The following JMY variants were observed in gnomAD, a reference collection of about 807,000 sequenced individuals.
The protein encoded by JMY is junction mediating and regulatory protein, p53 cofactor, also known as junction-mediating and -regulatory protein.
In JMY, 46 loss-of-function variants were observed where a neutral mutation model predicts 103.3. That is an observed-to-expected ratio of 0.45 (90% confidence interval 0.35 to 0.57). The LOEUF is 0.57. Among genes scored for constraint, JMY ranks in the 20% least tolerant of loss-of-function variants. JMY has a pLI of 0.00. For missense variants in JMY, 1,238 were observed against 1,255.2 expected, an observed-to-expected ratio of 0.99 and a Z score of 0.21; for synonymous variants, 526 against 489.3, an observed-to-expected ratio of 1.07 and a Z score of -0.99.
intron 4 of JMY, among the ~76,000 whole-genome samples, chr5:79,296,053 C>T (rs998840981): frequency 1.3e-5 from 2 of 152,058 alleles, no homozygotes; most frequent in Non-Finnish European, 2.9e-5. Context: ...TATCTGAATT[C>T]CCTGAAGACA....
chr5:79,270,262 T>C (rs953225028), intron 1 of JMY, among the ~76,000 whole-genome samples: 3 of 148,750 alleles, frequency 2.0e-5, no homozygotes, highest in Non-Finnish European at 4.5e-5. Context: ...TAAATGCATA[T>C]ATAAAAATTT....
intron 2 of JMY, among the ~76,000 whole-genome samples, chr5:79,280,107 G>A (rs1746065621): frequency 6.6e-6 from 1 of 152,144 alleles, no homozygotes; most frequent in African/African-American, 2.4e-5. Context: ...ATTGCCCAAA[G>A]TGCTGGGATT....
intron 1 of JMY, among the ~76,000 whole-genome samples, chr5:79,270,040 T>C (rs1337390380): frequency 6.6e-6 from 1 of 151,092 alleles, no homozygotes; most frequent in African/African-American, 2.4e-5. Flanking sequence ...CCTGGAGGAG[T>C]GTGTGGGTGT....
chr5:79,316,357 A>G (rs1250499356), intron 10 of JMY, 47 bp downstream of exon 10: 1 of 1,402,306 alleles, frequency 7.1e-7, no homozygotes, highest in Non-Finnish European at 9.8e-7. Context: ...TACAGGTTTT[A>G]TATCGGATGA....
intron 10 of JMY, among the ~76,000 whole-genome samples, chr5:79,320,835 C>G (rs1747427088): frequency 6.6e-6 from 1 of 152,106 alleles, no homozygotes; most frequent in Non-Finnish European, 1.5e-5. Context: ...TTTTTTCACA[C>G]TAAGTCTTCA....
Position 79,237,634 on chromosome 5 carries a change from G to A in JMY, c.984G>A (p.Gln328=). ...ACGAAAGCCTCAGCGAGCTGCGGCA[G>A]AAGGGCTACGAAGAAGTGCTTCAGC... ...EYYESLSELR[Q]KGYEEVLQRA... is the part of the protein sequence containing the mutation. Residue 328 remains glutamine, a synonymous_variant, in exon 1 of 11, where the codon CAG becomes CAA. Coordinates refer to ENST00000396137, the MANE Select transcript of JMY (RefSeq NM_152405.5). 2 of 1,613,790 alleles carry A rather than the reference G, an allele frequency of 1.2e-6. No homozygotes were observed. The highest frequency in any genetic ancestry group is 2.7e-5 in the African/African-American group (2 of 75,044).
intron 1 of JMY, among the ~76,000 whole-genome samples, chr5:79,259,184 C>A (rs1204033829): frequency 6.6e-6 from 1 of 152,068 alleles, no homozygotes; most frequent in South Asian, 2.1e-4. Context: ...GTCATCCCGA[C>A]GAGTGTCCAG....
At chr5:79,300,422 T>C in intron 5 of JMY, 104 bp downstream of exon 5, 1 of 1,181,552 alleles carries the variant, frequency 8.5e-7, no homozygotes, top group Non-Finnish European at 1.2e-6. Context: ...AAAAAATTGT[T>C]TTCTGTAGGG....
chr5:79,315,949 C>G (rs1409342862), intron 9 of JMY, 51 bp from the exon 10 acceptor site: 2 of 1,493,376 alleles, frequency 1.3e-6, no homozygotes, highest in East Asian at 4.5e-5. Context: ...CAGTTTCATT[C>G]TAATTAAGTG....
intron 1 of JMY, among the ~76,000 whole-genome samples, chr5:79,241,185 TAGAAC>T (rs1222869161): frequency 6.6e-6 from 1 of 152,196 alleles, no homozygotes; most frequent in African/African-American, 2.4e-5. Flanking sequence ...TTGTTTTTAA[TAGAAC>T]AGACTGTACA....
chr5:79,246,604 C>T (rs186062796), intron 1 of JMY, among the ~76,000 whole-genome samples: 3 of 152,162 alleles, frequency 2.0e-5, no homozygotes, highest in East Asian at 3.9e-4. Context: ...GTATGTTGGC[C>T]GGGCACAGTA....
At chr5:79,247,519 G>A (rs973572790) in intron 1 of JMY, among the ~76,000 whole-genome samples, 2 of 152,036 alleles carry the variant, frequency 1.3e-5, no homozygotes, top group Non-Finnish European at 2.9e-5. Flanking sequence ...GTTTCACCAT[G>A]TTGCCCATGC....
At chr5:79,274,380 T>C (rs1431744389) in intron 1 of JMY, among the ~76,000 whole-genome samples, 2 of 152,000 alleles carry the variant, frequency 1.3e-5, no homozygotes, top group African/African-American at 4.8e-5. Context: ...CATTGATTGC[T>C]TTTTTTAAAA....
intron 1 of JMY, among the ~76,000 whole-genome samples, chr5:79,254,235 G>T (rs1384826190): frequency 2.0e-5 from 3 of 151,966 alleles, no homozygotes; most frequent in Non-Finnish European, 4.4e-5. Context: ...GGGATTACAG[G>T]CATGAGCCAT....
At chr5:79,263,902 A>G (rs1049438403) in intron 1 of JMY, among the ~76,000 whole-genome samples, 1 of 151,568 alleles carries the variant, frequency 6.6e-6, no homozygotes, top group Non-Finnish European at 1.5e-5. Flanking sequence ...GGTGCAAGCA[A>G]TTCTCCTGCC....
Position 79,306,231 on chromosome 5 carries a change from G to T in JMY, c.1882-144G>T, listed in dbSNP as rs961149929. 5 of 611,324 alleles carry T rather than the reference G, an allele frequency of 8.2e-6. No individual in the cohort carries two copies. The African/African-American group carries it at 9.4e-5, about 11-fold the overall frequency. 37.9% of individuals were successfully genotyped at this position (611,324 alleles called of 1,614,324 possible). A position where few individuals can be genotyped will look rare whatever the true frequency, so the allele number is the denominator to read the frequency against. On this transcript the variant is annotated intron_variant, in intron 6 of 10. Coordinates refer to ENST00000396137, the MANE Select transcript of JMY (RefSeq NM_152405.5). ...TGATTACTTGGCTTTTACAGCTTCAGTTGTCCAAATAAGAAACAAGAGGTG... is the reference window on the plus strand; with the variant it reads ...TGATTACTTGGCTTTTACAGCTTCATTTGTCCAAATAAGAAACAAGAGGTG...
intron 2 of JMY, chr5:79,284,183 A>G: frequency 6.4e-7 from 1 of 1,562,860 alleles, no homozygotes; most frequent in Non-Finnish European, 8.7e-7. Flanking sequence ...GTTCAACTTT[A>G]GCACCTCTCT....
In JMY at chr5:79,323,025, A is replaced by G. The variant is rs990709404; in HGVS notation, c.*1423A>G. 1 of 152,238 alleles carries G rather than the reference A, an allele frequency of 6.6e-6. No homozygotes were observed. The highest frequency in any genetic ancestry group is 1.5e-5 in the Non-Finnish European group (1 of 68,036). 9.4% of individuals were successfully genotyped at this position (152,238 alleles called of 1,614,324 possible). On this transcript the variant is annotated 3_prime_UTR_variant, in exon 11 of 11. Transcript: ENST00000396137. ...TTAAAGTGTTTTCTTGAAAATAATT[A>G]GGGAGAAAATTTTCTGGCAACAGGT...
chr5:79,265,615 A>G (rs1002865412), intron 1 of JMY, among the ~76,000 whole-genome samples: 1 of 152,104 alleles, frequency 6.6e-6, no homozygotes, highest in East Asian at 1.9e-4. Context: ...ACCACATGCA[A>G]TGTTCTTTTT....
Sources: allele counts gnomAD v4.1 joint callset (sites outside exome capture counted in the v4.1 genomes callset), GRCh38; gene constraint gnomAD v4.1.1; transcripts MANE v1.5; gene names NCBI Gene and HGNC (gene_info 2026-07-23, HGNC 2026-07-21).